EVA1A: variants seen among roughly 807,000 people sequenced by gnomAD.
EVA1A encodes protein eva-1 homolog A.
Under a neutral mutation model 9.8 loss-of-function variants are expected in EVA1A, and 7 were observed. The ratio of observed to expected loss-of-function variants is 0.71; its 90% CI spans 0.41 to 1.34. The LOEUF (loss-of-function observed/expected upper bound fraction) is 1.34, where lower values mean the gene tolerates loss of function less well. Among genes scored for constraint, EVA1A ranks in the 40% most tolerant of loss-of-function variants. The probability of loss-of-function intolerance (pLI) is 0.01; values close to 1 mark genes in which losing one functional copy is unlikely to be tolerated. For missense variants in EVA1A, 206 were observed against 205.9 expected (o/e 1.00, Z 0.00); for synonymous variants, 90 against 85.6 (o/e 1.05, Z -0.28).
chr2:75,504,747 G>T (rs1274976302), intron 3 of EVA1A, among the ~76,000 whole-genome samples: 1 of 150,654 alleles, frequency 6.6e-6, no homozygotes, highest in Non-Finnish European at 1.5e-5. Flanking sequence ...AAGTGGGAGT[G>T]GAACAATGAG....
At chr2:75,559,185 G>A (rs1360266319) in intron 1 of EVA1A, among the ~76,000 whole-genome samples, 3 of 152,298 alleles carry the variant, frequency 2.0e-5, no homozygotes, top group Middle Eastern at 3.4e-3. Flanking sequence ...GGGGGGAGAT[G>A]TCTTGTGCAA....
chr2:75,542,800 G>A (rs1558688831), intron 1 of EVA1A: 1 of 152,232 alleles, frequency 6.6e-6, no homozygotes, highest in Non-Finnish European at 1.5e-5. Flanking sequence ...AGAACTTGGA[G>A]TTTGGCTGGT....
At chr2:75,540,723 TGG>T (rs1361174016) in intron 1 of EVA1A, 1 of 152,240 alleles carries the variant, frequency 6.6e-6, no homozygotes, top group Non-Finnish European at 1.5e-5. Context: ...TCTCCAACTT[TGG>T]TTTATTTCTG....
At position 75,518,222 on chromosome 2, in the gene EVA1A, T is replaced by A; in HGVS notation, c.-68-14A>T. ...CCTTCTTCTCTTCTGTTTGGGAACA[T>A]AAAGTGAGTGATAAGAAACATTCTG... On this transcript the variant is annotated splice_polypyrimidine_tract_variant and intron_variant, in intron 2 of 3. Coordinates refer to ENST00000393913, the MANE Select transcript of EVA1A (RefSeq NM_001135032.2). 6.4e-7 allele frequency: 1 copy of A among 1,563,068 alleles called. No homozygotes were observed.
chr2:75,515,567 C>T (rs1362180265), intron 3 of EVA1A, among the ~76,000 whole-genome samples: 1 of 152,094 alleles, frequency 6.6e-6, no homozygotes, highest in African/African-American at 2.4e-5. Flanking sequence ...CCTTAGTCCC[C>T]TTCTTTTTAC....
At chr2:75,538,037 C>T (rs149221462) in intron 1 of EVA1A, among the ~76,000 whole-genome samples, 2,228 of 152,250 alleles carry the variant, frequency 0.015, 25 homozygotes, top group Middle Eastern at 0.058. Flanking sequence ...CACCTGTAAT[C>T]CCAGCACTTC....
At chr2:75,525,367 A>T (rs1675391948) in intron 1 of EVA1A, among the ~76,000 whole-genome samples, 1 of 152,120 alleles carries the variant, frequency 6.6e-6, no homozygotes, top group South Asian at 2.1e-4. Context: ...TCTTCATAGG[A>T]ACTTATATTT....
At chr2:75,500,498 T>C (rs1674375803) in intron 3 of EVA1A, among the ~76,000 whole-genome samples, 1 of 152,060 alleles carries the variant, frequency 6.6e-6, no homozygotes, top group African/African-American at 2.4e-5. Flanking sequence ...ATAAGTGATA[T>C]TTATTCATGA....
intron 1 of EVA1A, among the ~76,000 whole-genome samples, chr2:75,567,896 G>A (rs998740935): frequency 2.6e-5 from 4 of 152,188 alleles, no homozygotes; most frequent in Admixed American, 2.6e-4. Context: ...CCTAACAGAA[G>A]AAGAGCTAAT....
intron 1 of EVA1A, among the ~76,000 whole-genome samples, chr2:75,523,835 C>G (rs769524924): frequency 7.9e-5 from 12 of 152,188 alleles, no homozygotes; most frequent in African/African-American, 2.9e-4. Flanking sequence ...TGAGAAATCT[C>G]ACTCTCCAAT....
At position 75,557,288 on chromosome 2, in the gene EVA1A, T is replaced by C. The variant is rs190215651; in HGVS notation, c.-192+3392A>G. 9.2e-5 allele frequency among the ~76,000 whole-genome samples: 14 copies of C among 152,252 alleles called. No individual in the cohort carries two copies. In the East Asian group the frequency reaches 2.5e-3, roughly 27 times the overall value. ...AGGCTGCATTAGAAGCAATAGAAGA[T>C]TCCAAGTTAGTTTAGTGATCAGTTG... On this transcript the variant is annotated intron_variant, in intron 1 of 3. Coordinates refer to ENST00000393913, the MANE Select transcript of EVA1A (RefSeq NM_001135032.2).
At chr2:75,551,783 C>T (rs1031917059) in intron 1 of EVA1A, among the ~76,000 whole-genome samples, 1 of 152,210 alleles carries the variant, frequency 6.6e-6, no homozygotes, top group Non-Finnish European at 1.5e-5. Context: ...TTAGAACATA[C>T]AGTACACACT....
chr2:75,551,766 A>T (rs973194571), intron 1 of EVA1A, among the ~76,000 whole-genome samples: 1 of 152,226 alleles, frequency 6.6e-6, no homozygotes, highest in East Asian at 1.9e-4. Flanking sequence ...TAATACACGT[A>T]AAGTGTTTAG....
intron 1 of EVA1A, chr2:75,526,067 T>G (rs1675426544): frequency 1.3e-5 from 2 of 152,198 alleles, no homozygotes; most frequent in Non-Finnish European, 2.9e-5. Flanking sequence ...CTGCAGCTAC[T>G]AAGGAATTGA....
Position 75,536,182 on chromosome 2 carries a change from A to G in EVA1A, c.-191-13695T>C, listed in dbSNP as rs552044947. Among the ~76,000 whole-genome samples, 4 of 152,272 alleles carry G rather than the reference A, an allele frequency of 2.6e-5. 1 individual carries two copies. Among genetic ancestry groups the G allele is most frequent in the South Asian group, 4.1e-4 (2 of 4,830 alleles). ...GCAAAACCCCGTCTCTACAAAAAAT[A>G]CAAAAATTAGCCAGGCATGGTGCAC... On this transcript the variant is annotated intron_variant, in intron 1 of 3. Transcript: ENST00000393913.
chr2:75,557,844 C>G (rs542093182), intron 1 of EVA1A, among the ~76,000 whole-genome samples: 81 of 152,358 alleles, frequency 5.3e-4, no homozygotes, highest in African/African-American at 1.9e-3. Flanking sequence ...AAAATAATGG[C>G]ATAGTCTTAA....
At chr2:75,562,421 C>T (rs1383266328), upstream of EVA1A, among the ~76,000 whole-genome samples, 1 of 152,178 alleles carries the variant, frequency 6.6e-6, no homozygotes, top group Non-Finnish European at 1.5e-5. Flanking sequence ...CTTCATTTTA[C>T]CTTGAAATGC....
intron 1 of EVA1A, among the ~76,000 whole-genome samples, chr2:75,545,939 G>T (rs1349970027): frequency 3.9e-5 from 6 of 152,258 alleles, no homozygotes; most frequent in Admixed American, 6.5e-5. Context: ...AGCTGAGAAT[G>T]GGGGAGGATG....
chr2:75,498,323 C>A (rs1674284956), intron 3 of EVA1A, among the ~76,000 whole-genome samples: 1 of 104,590 alleles, frequency 9.6e-6, no homozygotes, highest in South Asian at 3.4e-4. Flanking sequence ...ACATTAGGGA[C>A]TATTAGAGGG....
Sources: gnomAD v4.1 joint callset for allele counts (sites outside exome capture counted in the v4.1 genomes callset) on GRCh38, gnomAD v4.1.1 for gene constraint, MANE v1.5 for transcripts, NCBI Gene and HGNC (gene_info 2026-07-23, HGNC 2026-07-21) for gene names.